The following TRPM3 variants were observed in gnomAD, a reference collection of about 807,000 sequenced individuals.
TRPM3 encodes long transient receptor potential channel 3.
Under a neutral mutation model 181.2 loss-of-function variants are expected in TRPM3, and 77 were observed. The observed-to-expected ratio is 0.42, with a 90% CI of 0.35 to 0.51. TRPM3 has a LOEUF of 0.51. Among genes scored for constraint, TRPM3 ranks in the 20% least tolerant of loss-of-function variants. TRPM3 has a pLI of 0.01. For missense variants in TRPM3, 1,759 were observed against 2,196.7 expected (o/e 0.80, Z 3.98); for synonymous variants, 745 against 796.4 (o/e 0.94, Z 1.09).
At chr9:71,116,224 T>C (rs560482655) in intron 1 of TRPM3, among the ~76,000 whole-genome samples, 1 of 152,284 alleles carries the variant, frequency 6.6e-6, no homozygotes, top group African/African-American at 2.4e-5. Flanking sequence ...TAGGTGTGCA[T>C]TTCCTCTCTT....
chr9:71,426,174 C>T (rs2093859378), intron 1 of TRPM3, among the ~76,000 whole-genome samples: 1 of 152,052 alleles, frequency 6.6e-6, no homozygotes. Context: ...TAGGACAATG[C>T]CTAACACATT....
At chr9:71,446,599 G>A in intron 1 of TRPM3, 3 of 1,517,566 alleles carry the variant, frequency 2.0e-6, no homozygotes, top group Non-Finnish European at 2.7e-6. Flanking sequence ...GGCTCAAGTC[G>A]CGTGCGAAGG....
intron 7 of TRPM3, among the ~76,000 whole-genome samples, chr9:70,779,637 C>T (rs746205544): frequency 3.3e-5 from 5 of 152,224 alleles, no homozygotes; most frequent in Non-Finnish European, 7.4e-5. Flanking sequence ...ACTATGAGTA[C>T]TACAGTTCAT....
intron 8 of TRPM3, among the ~76,000 whole-genome samples, chr9:70,740,201 A>C (rs1377439772): frequency 2.0e-5 from 3 of 152,200 alleles, no homozygotes. Context: ...AATAAAATCA[A>C]GTGCTCAACC....
chr9:70,756,103 T>C (rs2077033802), intron 8 of TRPM3, among the ~76,000 whole-genome samples: 1 of 150,746 alleles, frequency 6.6e-6, no homozygotes, highest in African/African-American at 2.4e-5. Flanking sequence ...AATAAAGGGA[T>C]GGAGGAATAT....
At chr9:70,597,146 T>C (rs2059165151) in intron 21 of TRPM3, among the ~76,000 whole-genome samples, 1 of 152,124 alleles carries the variant, frequency 6.6e-6, no homozygotes, top group Non-Finnish European at 1.5e-5. Flanking sequence ...TTGGTCAGGC[T>C]GGTCTCGAAC....
intron 1 of TRPM3, among the ~76,000 whole-genome samples, chr9:71,185,454 T>A (rs1483747063): frequency 6.6e-6 from 1 of 152,090 alleles, no homozygotes; most frequent in African/African-American, 2.4e-5. Flanking sequence ...CAAAGAAGCT[T>A]ACTTTGGAAG....
At chr9:70,689,073 A>G (rs12345850) in intron 8 of TRPM3, among the ~76,000 whole-genome samples, 5,048 of 152,288 alleles carry the variant, frequency 0.033, 90 homozygotes, top group Non-Finnish European at 0.04. Flanking sequence ...AGCAAAGTGA[A>G]TGTGGTGTAT....
intron 1 of TRPM3, among the ~76,000 whole-genome samples, chr9:71,346,783 C>T (rs7869242): frequency 0.031 from 4,728 of 152,194 alleles, 107 homozygotes; most frequent in South Asian, 0.068. Flanking sequence ...CAGAAGGGAA[C>T]AGAGTAGGGG....
intron 1 of TRPM3, among the ~76,000 whole-genome samples, chr9:71,435,135 T>C (rs2094013423): frequency 6.6e-6 from 1 of 152,214 alleles, no homozygotes; most frequent in Non-Finnish European, 1.5e-5. Flanking sequence ...TGTTCATGAG[T>C]ACAATCCATT....
At chr9:70,667,404 C>A (rs571512462) in intron 9 of TRPM3, among the ~76,000 whole-genome samples, 2 of 152,242 alleles carry the variant, frequency 1.3e-5, no homozygotes, top group Admixed American at 1.3e-4. Context: ...ACACTGGGAA[C>A]CAAGTTGGGG....
intron 1 of TRPM3, among the ~76,000 whole-genome samples, chr9:70,978,125 G>A (rs552856032): frequency 7.2e-5 from 11 of 152,280 alleles, no homozygotes; most frequent in East Asian, 1.9e-4. Flanking sequence ...TCATTAGGAC[G>A]AGAGATGCTC....
At chr9:70,580,662 T>A (rs1020571053) in intron 22 of TRPM3, among the ~76,000 whole-genome samples, 4 of 152,214 alleles carry the variant, frequency 2.6e-5, no homozygotes, top group Non-Finnish European at 5.9e-5. Context: ...TCTGGTTTTG[T>A]ACATAACAGT....
intron 5 of TRPM3, among the ~76,000 whole-genome samples, chr9:70,828,431 T>G (rs930728270): frequency 3.9e-5 from 6 of 152,202 alleles, no homozygotes; most frequent in African/African-American, 1.4e-4. Context: ...ACAATTATAA[T>G]TCTGGAGATG....
chr9:70,897,766 G>A (rs202147570), intron 1 of TRPM3, among the ~76,000 whole-genome samples: 94 of 147,840 alleles, frequency 6.4e-4, no homozygotes, highest in East Asian at 3.1e-3. Flanking sequence ...TAACCTATTA[G>A]TTGGTGCAAA....
intron 1 of TRPM3, among the ~76,000 whole-genome samples, chr9:71,240,351 G>A (rs1164345902): frequency 6.6e-6 from 1 of 152,080 alleles, no homozygotes; most frequent in Non-Finnish European, 1.5e-5. Context: ...GTTCCTGGAG[G>A]GCAAGAATTA....
chr9:70,985,543 T>C (rs2097410888), intron 1 of TRPM3, among the ~76,000 whole-genome samples: 3 of 152,226 alleles, frequency 2.0e-5, no homozygotes, highest in Admixed American at 2.0e-4. Context: ...TAGGTATTTA[T>C]TATTTGTGGC....
intron 11 of TRPM3, among the ~76,000 whole-genome samples, chr9:70,636,384 CCA>C (rs1301989001): frequency 2.0e-5 from 3 of 151,776 alleles, no homozygotes; most frequent in Non-Finnish European, 2.9e-5. Flanking sequence ...AAAGAAAAAG[CCA>C]CAGACTGTTT....
At chr9:71,164,360 A>G (rs2076426870) in intron 1 of TRPM3, among the ~76,000 whole-genome samples, 1 of 152,170 alleles carries the variant, frequency 6.6e-6, no homozygotes, top group South Asian at 2.1e-4. Context: ...TTTTTTCTCT[A>G]CAATGGCAGT....
Sources: allele counts gnomAD v4.1 joint callset (sites outside exome capture counted in the v4.1 genomes callset), GRCh38; gene constraint gnomAD v4.1.1; transcripts MANE v1.5; gene names NCBI Gene and HGNC (gene_info 2026-07-23, HGNC 2026-07-21).